RCAN2: variants seen among roughly 807,000 people sequenced by gnomAD.
RCAN2 encodes the protein calcipressin-2.
Under a neutral mutation model 23.6 loss-of-function variants are expected in RCAN2, and 9 were observed. The observed-to-expected ratio is 0.38, with a 90% CI of 0.23 to 0.67. The LOEUF (loss-of-function observed/expected upper bound fraction) is 0.67. Ranked by LOEUF, RCAN2 falls within the 30% of genes least tolerant of loss-of-function variation. The pLI, the probability that RCAN2 is intolerant of heterozygous loss-of-function variation, is 0.51. For synonymous variants in RCAN2, 109 were observed against 115.7 expected (o/e 0.94, Z 0.37); for missense variants, 273 against 302.3 (o/e 0.90, Z 0.72).
rs918887685 is a variant in RCAN2, at chr6:46,491,196, G to C, written c.-26C>G. ...ACCTGCTGGGCGTCCGCGATGCGCC[G>C]GCGGAGGCGGAGGCGGAGGCGGCGG... On this transcript the variant is annotated 5_prime_UTR_variant, in exon 1 of 5. Transcript: ENST00000371374. 20 of 149,282 alleles carry C rather than the reference G, an allele frequency of 1.3e-4. No individual in the cohort carries two copies. Among genetic ancestry groups the C allele is most frequent in the African/African-American group, 5.1e-4 (20 of 39,092 alleles). 9.2% of individuals were successfully genotyped at this position (149,282 alleles called of 1,614,324 possible). A position where few individuals can be genotyped will look rare whatever the true frequency, so the allele number is the denominator to read the frequency against.
intron 2 of RCAN2, among the ~76,000 whole-genome samples, chr6:46,360,869 T>C (rs139007227): frequency 5.1e-4 from 77 of 152,332 alleles, no homozygotes; most frequent in Non-Finnish European, 1.0e-3. Flanking sequence ...TAAATGCAGT[T>C]CTAATGTATG....
chr6:46,430,268 G>A lies in RCAN2; in HGVS notation c.225+26484C>T, dbSNP rs146651162. On this transcript the variant is annotated intron_variant, in intron 2 of 4. Coordinates refer to ENST00000371374, the MANE Select transcript of RCAN2 (RefSeq NM_001251974.2). ...GTCAAATAGGAGAGATATTTAGGAC[G>A]TAACATCATCAGGATTAGCTACAGA... Among the ~76,000 whole-genome samples the A allele has an allele frequency of 3.0e-3, 453 of 152,070 alleles. 1 individual carries two copies. The highest frequency in any genetic ancestry group is 4.9e-3 in the Non-Finnish European group (333 of 68,018).
chr6:46,480,786 C>T (rs1020487392), intron 1 of RCAN2, among the ~76,000 whole-genome samples: 6 of 152,084 alleles, frequency 3.9e-5, no homozygotes, highest in African/African-American at 1.2e-4. Flanking sequence ...TCACCACACC[C>T]GGCTAATTTT....
intron 2 of RCAN2, among the ~76,000 whole-genome samples, chr6:46,381,016 C>A (rs1022619399): frequency 6.6e-6 from 1 of 152,152 alleles, no homozygotes; most frequent in Non-Finnish European, 1.5e-5. Context: ...AATAAACTTA[C>A]AATGCCATCT....
At position 46,488,134 on chromosome 6, in the gene RCAN2, A is replaced by G. The variant is rs544358468; in HGVS notation, c.-3+3039T>C. 7.2e-5 allele frequency among the ~76,000 whole-genome samples: 11 copies of G among 152,314 alleles called. No homozygotes were observed. In the East Asian group the frequency reaches 1.9e-3, roughly 27 times the overall value. ...AAAATATCCAAACCTAGGGCAAAAAACACATTCCAGGATAAAAAAGAATTA... is the reference window on the plus strand; with the variant it reads ...AAAATATCCAAACCTAGGGCAAAAAGCACATTCCAGGATAAAAAAGAATTA... On this transcript the variant is annotated intron_variant, in intron 1 of 4. Coordinates refer to ENST00000371374, the MANE Select transcript of RCAN2 (RefSeq NM_001251974.2).
chr6:46,357,182 T>C (rs73453003), intron 2 of RCAN2, among the ~76,000 whole-genome samples: 3,523 of 152,258 alleles, frequency 0.023, 121 homozygotes, highest in African/African-American at 0.078. Flanking sequence ...GTCCCTCAGT[T>C]CTGTGCAAAC....
chr6:46,436,850 C>T (rs1767383351), intron 2 of RCAN2, among the ~76,000 whole-genome samples: 1 of 152,126 alleles, frequency 6.6e-6, no homozygotes, highest in Non-Finnish European at 1.5e-5. Context: ...CAGAATGACC[C>T]TTGTGGGGAT....
At chr6:46,427,341 C>T (rs1354778621) in intron 2 of RCAN2, among the ~76,000 whole-genome samples, 1 of 152,132 alleles carries the variant, frequency 6.6e-6, no homozygotes, top group Admixed American at 6.5e-5. Context: ...CTTTTAGGCC[C>T]ACATCCCTAG....
In RCAN2 at chr6:46,221,350, G is replaced by T. The variant is rs3799893; in HGVS notation, c.*1791C>A. The stretch of plus-strand genomic sequence containing the variant: ...CTGCAGTGCTCTGCATCTGAATAGC[G>T]GAGCCTACTATTTCTTCCACTAGAG... On this transcript the variant is annotated 3_prime_UTR_variant, in exon 5 of 5. Transcript: ENST00000371374. 0.26 allele frequency: 38,902 copies of T among 152,438 alleles called. 5,966 individuals are homozygous for T. The highest frequency in any genetic ancestry group is 0.42 in the African/African-American group (17,443 of 41,428). 9.4% of individuals were successfully genotyped at this position (152,438 alleles called of 1,614,324 possible).
At chr6:46,335,820 T>C (rs1159328467) in intron 2 of RCAN2, among the ~76,000 whole-genome samples, 1 of 152,230 alleles carries the variant, frequency 6.6e-6, no homozygotes, top group Non-Finnish European at 1.5e-5. Context: ...TATTAACTTA[T>C]GTTATCTCAG....
At chr6:46,261,632 A>AT (rs754750723) in intron 2 of RCAN2, among the ~76,000 whole-genome samples, 2 of 152,174 alleles carry the variant, frequency 1.3e-5, no homozygotes, top group Non-Finnish European at 2.9e-5. Context: ...CTATATATTT[A>AT]TATCTATACT....
intron 2 of RCAN2, among the ~76,000 whole-genome samples, chr6:46,334,163 A>G (rs75376432): frequency 0.049 from 7,481 of 152,246 alleles, 331 homozygotes; most frequent in Non-Finnish European, 0.063. Flanking sequence ...CTATCTAGGT[A>G]GCACTCCTTT....
At chr6:46,364,130 T>C (rs1174225484) in intron 2 of RCAN2, among the ~76,000 whole-genome samples, 2 of 152,190 alleles carry the variant, frequency 1.3e-5, no homozygotes, top group Admixed American at 6.5e-5. Flanking sequence ...ATCATCATTT[T>C]GGCTCATTTC....
In RCAN2 at chr6:46,417,277, T is replaced by A. The variant is rs181355479; in HGVS notation, c.225+39475A>T. ...TGTTCTCCCCTACTGAGTGTTAGCTTCATTCACTTCACATATTTGAGAGAT... is the reference window on the plus strand; with the variant it reads ...TGTTCTCCCCTACTGAGTGTTAGCTACATTCACTTCACATATTTGAGAGAT... On this transcript the variant is annotated intron_variant, in intron 2 of 4. Coordinates refer to ENST00000371374, the MANE Select transcript of RCAN2 (RefSeq NM_001251974.2). Among the ~76,000 whole-genome samples, 41 of 152,330 alleles carry A rather than the reference T, an allele frequency of 2.7e-4. No individual in the cohort carries two copies. The East Asian group carries it at 6.8e-3, about 25-fold the overall frequency.
chr6:46,462,433 G>T (rs9472754), intron 1 of RCAN2, among the ~76,000 whole-genome samples: 5 of 151,998 alleles, frequency 3.3e-5, no homozygotes, highest in African/African-American at 1.2e-4. Flanking sequence ...TCATTTTTTC[G>T]CAAACATGTG....
intron 2 of RCAN2, among the ~76,000 whole-genome samples, chr6:46,332,366 A>G (rs1348626076): frequency 6.6e-6 from 1 of 151,994 alleles, no homozygotes; most frequent in East Asian, 1.9e-4. Context: ...TGTGCAGGTT[A>G]GTTACATATA....
At chr6:46,415,457 C>G (rs1159298156) in intron 2 of RCAN2, among the ~76,000 whole-genome samples, 2 of 152,104 alleles carry the variant, frequency 1.3e-5, no homozygotes, top group Admixed American at 6.6e-5. Context: ...CAGCTATAGT[C>G]CCAGACCTGT....
chr6:46,467,744 C>T (rs1768428012), intron 1 of RCAN2, among the ~76,000 whole-genome samples: 1 of 152,260 alleles, frequency 6.6e-6, no homozygotes, highest in African/African-American at 2.4e-5. Flanking sequence ...TTAAATGTTA[C>T]ACATCTTACC....
At chr6:46,277,501 T>C (rs993334716) in intron 2 of RCAN2, among the ~76,000 whole-genome samples, 1 of 152,130 alleles carries the variant, frequency 6.6e-6, no homozygotes, top group Non-Finnish European at 1.5e-5. Context: ...CAATGGATCA[T>C]GAAGAACAAT....
Sources: gnomAD v4.1 joint callset for allele counts (sites outside exome capture counted in the v4.1 genomes callset) on GRCh38, gnomAD v4.1.1 for gene constraint, MANE v1.5 for transcripts, NCBI Gene and HGNC (gene_info 2026-07-23, HGNC 2026-07-21) for gene names.